Variants in ARHGEF3 observed in about 807,000 individuals in gnomAD.
ARHGEF3 encodes the protein 59.8 kDA protein.
Under a neutral mutation model 63.2 loss-of-function variants are expected in ARHGEF3, and 28 were observed. The ratio of observed to expected loss-of-function variants is 0.44; its 90% confidence interval spans 0.33 to 0.61. The LOEUF is 0.61. Among genes scored for constraint, ARHGEF3 ranks in the 20% least tolerant of loss-of-function variants. ARHGEF3 has a pLI of 0.03. For missense variants in ARHGEF3, 533 were observed against 659.3 expected (o/e 0.81, Z 2.10); for synonymous variants, 266 against 254.2 (o/e 1.05, Z -0.44).
intron 1 of ARHGEF3, among the ~76,000 whole-genome samples, chr3:57,073,070 C>A (rs1323491702): frequency 6.6e-6 from 1 of 151,800 alleles, no homozygotes; most frequent in Non-Finnish European, 1.5e-5. Context: ...AAAGAAAAAA[C>A]ATTAGTTGGT....
Position 56,745,129 on chromosome 3 carries a change from T to G in ARHGEF3, c.870+76A>C. 3 of 1,529,854 alleles carry G rather than the reference T, an allele frequency of 2.0e-6. No homozygotes were observed. The South Asian group carries it at 3.8e-5, about 19-fold the overall frequency. 94.8% of individuals were successfully genotyped at this position (1,529,854 alleles called of 1,614,324 possible). Reference sequence around the variant, plus strand: ...TACTAAGTACCCAGGGACTCTTCCATTCACCCACTGACCCAATCCACCAGC... The same window carrying G: ...TACTAAGTACCCAGGGACTCTTCCAGTCACCCACTGACCCAATCCACCAGC... On this transcript the variant is annotated intron_variant, in intron 7 of 9. Transcript: ENST00000296315.
At chr3:57,058,518 A>G (rs1312478937) in intron 1 of ARHGEF3, among the ~76,000 whole-genome samples, 1 of 152,192 alleles carries the variant, frequency 6.6e-6, no homozygotes, top group Non-Finnish European at 1.5e-5. Context: ...GATGTGGAGA[A>G]ATAGGAAAAC....
At chr3:56,816,249 T>A (rs1432407714) in intron 4 of ARHGEF3, among the ~76,000 whole-genome samples, 2 of 152,112 alleles carry the variant, frequency 1.3e-5, no homozygotes, top group Non-Finnish European at 2.9e-5. Flanking sequence ...TCTAGATGGT[T>A]GCTGGCATGA....
chr3:56,766,272 T>C (rs1404095391), intron 2 of ARHGEF3, among the ~76,000 whole-genome samples: 2 of 152,336 alleles, frequency 1.3e-5, no homozygotes, highest in African/African-American at 2.4e-5. Flanking sequence ...TAATTTATCA[T>C]ATGTTCATGC....
At chr3:56,966,047 C>CATGAT (rs771525088) in intron 2 of ARHGEF3, among the ~76,000 whole-genome samples, 4 of 152,116 alleles carry the variant, frequency 2.6e-5, no homozygotes, top group African/African-American at 9.7e-5. Flanking sequence ...AGGAGATATA[C>CATGAT]ATGATATGAT....
chr3:56,879,393 G>T (rs899581529), intron 4 of ARHGEF3, among the ~76,000 whole-genome samples: 1 of 152,116 alleles, frequency 6.6e-6, no homozygotes, highest in Non-Finnish European at 1.5e-5. Context: ...TACATTAGGC[G>T]AGTTCACTGT....
In ARHGEF3 at chr3:56,872,667, G is replaced by T. The variant is rs886132033; in HGVS notation, c.192+9625C>A. ...TGGGATTGCAGGCATGCACCCCCAA[G>T]CCCAGCTAATTTTTGTATTTTTAGT... On this transcript the variant is annotated intron_variant, in intron 4 of 12. Transcript: ENST00000338458. 6.7e-4 allele frequency among the ~76,000 whole-genome samples: 102 copies of T among 151,978 alleles called. 1 individual carries two copies. The highest frequency in any genetic ancestry group is 2.4e-3 in the African/African-American group (100 of 41,462).
intron 4 of ARHGEF3, among the ~76,000 whole-genome samples, chr3:56,811,387 G>C (rs977856611): frequency 3.9e-5 from 6 of 152,232 alleles, no homozygotes; most frequent in African/African-American, 1.4e-4. Context: ...GCAGATGGTG[G>C]GGGTGGGGGC....
At chr3:57,011,889 G>A (rs552355946) in intron 2 of ARHGEF3, among the ~76,000 whole-genome samples, 20 of 152,292 alleles carry the variant, frequency 1.3e-4, no homozygotes, top group African/African-American at 4.8e-4. Context: ...TTTGCACTAT[G>A]AGGAAGGAAG....
rs1704733153 is a variant in ARHGEF3 at position 57,052,852 on chromosome 3, G to C, written c.-27-17676C>G. Among the ~76,000 whole-genome samples, 2 of 152,114 alleles carry C rather than the reference G, an allele frequency of 1.3e-5. 1 individual carries two copies. The highest frequency in any genetic ancestry group is 4.1e-4 in the South Asian group (2 of 4,832). On this transcript the variant is annotated intron_variant, in intron 1 of 12. Transcript: ENST00000338458. ...AGCAGAAAGCCAGAGACCATCTAGAGCACAAACCACCCCCAGGGCACCATG... is the reference window on the plus strand; with the variant it reads ...AGCAGAAAGCCAGAGACCATCTAGACCACAAACCACCCCCAGGGCACCATG...
chr3:57,020,258 C>T (rs1303030680), intron 2 of ARHGEF3, among the ~76,000 whole-genome samples: 2 of 152,184 alleles, frequency 1.3e-5, no homozygotes, highest in Non-Finnish European at 2.9e-5. Flanking sequence ...CACTGATTTG[C>T]AGGGTCCTGG....
chr3:56,821,208 G>A (rs1017387124), intron 4 of ARHGEF3, among the ~76,000 whole-genome samples: 11 of 152,006 alleles, frequency 7.2e-5, no homozygotes, highest in Non-Finnish European at 1.2e-4. Flanking sequence ...AGGTAGAGAG[G>A]TATAGCAGAG....
intron 3 of ARHGEF3, among the ~76,000 whole-genome samples, chr3:56,889,708 T>C (rs944509681): frequency 6.6e-6 from 1 of 152,208 alleles, no homozygotes; most frequent in African/African-American, 2.4e-5. Context: ...GTACATTGTT[T>C]AAAAACAATC....
chr3:56,794,046 G>A (rs2037220272), intron 1 of ARHGEF3, among the ~76,000 whole-genome samples: 1 of 152,100 alleles, frequency 6.6e-6, no homozygotes, highest in Non-Finnish European at 1.5e-5. Context: ...TGTCACATTT[G>A]GAAAAGTTAA....
At chr3:57,067,004 T>G (rs1705577045) in intron 1 of ARHGEF3, among the ~76,000 whole-genome samples, 1 of 152,234 alleles carries the variant, frequency 6.6e-6, no homozygotes, top group Non-Finnish European at 1.5e-5. Flanking sequence ...CTGTTGGTTC[T>G]GTTTCTCTCC....
intron 3 of ARHGEF3, among the ~76,000 whole-genome samples, chr3:56,903,885 TG>T (rs539310140): frequency 8.4e-4 from 128 of 152,310 alleles, no homozygotes; most frequent in African/African-American, 3.0e-3. Context: ...AGAATTTTTT[TG>T]AGACAAGGTC....
intron 3 of ARHGEF3, among the ~76,000 whole-genome samples, chr3:56,915,184 T>C (rs1270090303): frequency 2.6e-5 from 4 of 152,184 alleles, no homozygotes. Flanking sequence ...CCAGGTGCAG[T>C]GGCTCATGCC....
intron 1 of ARHGEF3, chr3:57,074,279 C>T (rs1377888311): frequency 6.3e-7 from 1 of 1,598,340 alleles, no homozygotes; most frequent in African/African-American, 1.3e-5. Context: ...CAATAATAAT[C>T]CTGCAACATC....
intron 2 of ARHGEF3, among the ~76,000 whole-genome samples, chr3:56,970,997 A>G (rs1199299821): frequency 1.3e-5 from 2 of 152,196 alleles, no homozygotes; most frequent in East Asian, 3.8e-4. Context: ...TAGTGACTGG[A>G]GCACAGAAGG....
Sources: allele counts gnomAD v4.1 joint callset (sites outside exome capture counted in the v4.1 genomes callset), GRCh38; gene constraint gnomAD v4.1.1; transcripts MANE v1.5; gene names NCBI Gene and HGNC (gene_info 2026-07-23, HGNC 2026-07-21).